The following AUTS2 variants were observed in gnomAD, a reference collection of about 807,000 sequenced individuals.
AUTS2 encodes activator of transcription and developmental regulator AUTS2.
Under a neutral mutation model 112.4 loss-of-function variants are expected in AUTS2, and 17 were observed. The ratio of observed to expected loss-of-function variants is 0.15; its 90% CI spans 0.10 to 0.23. AUTS2 has a LOEUF of 0.23. AUTS2 is among the 10% of genes least tolerant of loss of function. The pLI, the probability that AUTS2 is intolerant of heterozygous loss-of-function variation, is 1.00. For missense variants in AUTS2, 1,510 were observed against 1,701.6 expected (o/e 0.89, Z 1.98); for synonymous variants, 751 against 702.7 (o/e 1.07, Z -1.09).
intron 1 of AUTS2, among the ~76,000 whole-genome samples, chr7:69,814,997 A>C (rs1790696024): frequency 6.6e-6 from 1 of 152,278 alleles, no homozygotes; most frequent in East Asian, 1.9e-4. Context: ...TTTCAGTTAA[A>C]ATTTATTTTT....
At chr7:70,669,204 C>T (rs941215121) in intron 5 of AUTS2, among the ~76,000 whole-genome samples, 13 of 152,298 alleles carry the variant, frequency 8.5e-5, no homozygotes, top group East Asian at 1.9e-4. Context: ...CCTGGATTCC[C>T]GAGTCAGGCT....
At chr7:70,106,846 A>G (rs1804790311) in intron 2 of AUTS2, among the ~76,000 whole-genome samples, 2 of 152,262 alleles carry the variant, frequency 1.3e-5, no homozygotes, top group South Asian at 2.1e-4. Context: ...GCTTTCTGTC[A>G]TTGCAGGATA....
intron 4 of AUTS2, among the ~76,000 whole-genome samples, chr7:70,322,791 G>A (rs1253181542): frequency 6.6e-6 from 1 of 152,178 alleles, no homozygotes; most frequent in Non-Finnish European, 1.5e-5. Context: ...CTGGTACCAG[G>A]AATGCCCTGT....
intron 5 of AUTS2, among the ~76,000 whole-genome samples, chr7:70,552,720 A>G (rs1801064395): frequency 6.6e-6 from 1 of 152,186 alleles, no homozygotes; most frequent in African/African-American, 2.4e-5. Flanking sequence ...ATTTTTCCAG[A>G]CAGACTAATT....
chr7:69,625,076 G>T (rs1055531913), intron 1 of AUTS2, among the ~76,000 whole-genome samples: 2 of 152,164 alleles, frequency 1.3e-5, no homozygotes, highest in Non-Finnish European at 2.9e-5. Flanking sequence ...CGTTGGGGCA[G>T]TGCCCAAGTG....
At chr7:69,622,393 A>G (rs1262043512) in intron 1 of AUTS2, among the ~76,000 whole-genome samples, 1 of 152,172 alleles carries the variant, frequency 6.6e-6, no homozygotes, top group East Asian at 1.9e-4. Context: ...TGTGGATTGG[A>G]TTTACCCTTT....
intron 5 of AUTS2, among the ~76,000 whole-genome samples, chr7:70,496,506 A>T (rs966066544): frequency 7.5e-5 from 9 of 119,856 alleles, no homozygotes; most frequent in Non-Finnish European, 1.2e-4. Flanking sequence ...ACGTCACATC[A>T]GCGTCGATCA....
chr7:70,723,145 C>G (rs933675868), intron 6 of AUTS2, among the ~76,000 whole-genome samples: 6 of 152,218 alleles, frequency 3.9e-5, no homozygotes, highest in African/African-American at 1.2e-4. Flanking sequence ...CTTCCCTAAT[C>G]ATGTTAATCA....
intron 4 of AUTS2, among the ~76,000 whole-genome samples, chr7:70,422,728 A>G (rs1238357734): frequency 6.6e-6 from 1 of 152,108 alleles, no homozygotes; most frequent in African/African-American, 2.4e-5. Context: ...GTGAGCCAAG[A>G]TCGCGCCACT....
intron 5 of AUTS2, among the ~76,000 whole-genome samples, chr7:70,478,519 G>A (rs1797667161): frequency 6.6e-6 from 1 of 152,118 alleles, no homozygotes. Context: ...CTACCACCCA[G>A]AAGTAGTTCC....
At chr7:70,666,147 A>G (rs952368281) in intron 5 of AUTS2, among the ~76,000 whole-genome samples, 1 of 152,160 alleles carries the variant, frequency 6.6e-6, no homozygotes, top group African/African-American at 2.4e-5. Flanking sequence ...CTCACCCCTT[A>G]TTGGCTGTGT....
intron 2 of AUTS2, among the ~76,000 whole-genome samples, chr7:70,056,020 C>T (rs1183970081): frequency 2.6e-5 from 4 of 151,908 alleles, no homozygotes; most frequent in Non-Finnish European, 5.9e-5. Flanking sequence ...CAGTGTCTTG[C>T]TCTGTCGCCC....
chr7:69,660,976 G>A (rs1795763611), intron 1 of AUTS2, among the ~76,000 whole-genome samples: 2 of 152,210 alleles, frequency 1.3e-5, no homozygotes, highest in South Asian at 4.1e-4. Context: ...GAAAGCTACT[G>A]TTGGCTTCAC....
intron 6 of AUTS2, among the ~76,000 whole-genome samples, chr7:70,719,698 G>C (rs1465362165): frequency 6.6e-6 from 1 of 152,068 alleles, no homozygotes; most frequent in African/African-American, 2.4e-5. Context: ...TCCTGACCTT[G>C]TGATCCACCC....
chr7:70,722,865 C>T (rs1298330073), intron 6 of AUTS2, among the ~76,000 whole-genome samples: 1 of 152,110 alleles, frequency 6.6e-6, no homozygotes, highest in Non-Finnish European at 1.5e-5. Context: ...GTCAGACAGG[C>T]CCTTAAATAT....
chr7:70,501,246 G>A (rs1045337740), intron 5 of AUTS2, among the ~76,000 whole-genome samples: 4 of 152,120 alleles, frequency 2.6e-5, no homozygotes, highest in African/African-American at 4.8e-5. Context: ...TTACTCTGGG[G>A]GGCACATGAT....
intron 4 of AUTS2, among the ~76,000 whole-genome samples, chr7:70,336,327 T>G (rs1790988829): frequency 6.6e-6 from 1 of 152,220 alleles, no homozygotes. Flanking sequence ...GGACAACCAT[T>G]GCTAGCATTT....
At chr7:70,355,348 C>T (rs1791957913) in intron 4 of AUTS2, among the ~76,000 whole-genome samples, 1 of 152,056 alleles carries the variant, frequency 6.6e-6, no homozygotes, top group Admixed American at 6.6e-5. Context: ...ACATGCCAGG[C>T]ATTAACGAGA....
chr7:70,500,557 T>A (rs975779807), intron 5 of AUTS2, among the ~76,000 whole-genome samples: 2 of 152,154 alleles, frequency 1.3e-5, no homozygotes, highest in African/African-American at 4.8e-5. Flanking sequence ...CGCTTCTCCA[T>A]TCAGGGGCGG....
Sources: allele counts gnomAD v4.1 joint callset (sites outside exome capture counted in the v4.1 genomes callset), GRCh38; gene constraint gnomAD v4.1.1; transcripts MANE v1.5; gene names NCBI Gene and HGNC (gene_info 2026-07-23, HGNC 2026-07-21).